Variants in MGAT4A observed in about 807,000 individuals in gnomAD.
MGAT4A encodes alpha-1,3-mannosyl-glycoprotein 4-beta-N-acetylglucosaminyltransferase A, also known as N-acetylglucosaminyltransferase IVa.
A neutral mutation model predicts 74.1 loss-of-function variants in MGAT4A; 33 were observed. The ratio of observed to expected loss-of-function variants is 0.45; its 90% CI spans 0.34 to 0.60. The LOEUF (loss-of-function observed/expected upper bound fraction) is 0.60, where lower values mean the gene tolerates loss of function less well. Among genes scored for constraint, MGAT4A ranks in the 20% least tolerant of loss-of-function variants. The pLI is 0.02. For synonymous variants in MGAT4A, 198 were observed against 210.4 expected (o/e 0.94, Z 0.51); for missense variants, 479 against 628.3 (o/e 0.76, Z 2.54).
chr2:98,631,770 G>A (rs1167412854), intron 14 of MGAT4A, among the ~76,000 whole-genome samples: 3 of 152,126 alleles, frequency 2.0e-5, no homozygotes, highest in African/African-American at 2.4e-5. Flanking sequence ...CAATTCATCC[G>A]GTACACCAAG....
chr2:98,639,267 CAG>C (rs1701368955), intron 12 of MGAT4A, among the ~76,000 whole-genome samples: 2 of 150,034 alleles, frequency 1.3e-5, no homozygotes, highest in African/African-American at 2.5e-5. Flanking sequence ...GTCTGGGCGA[CAG>C]AGCGAGACTG....
chr2:98,713,041 C>T (rs1003091279), intron 2 of MGAT4A, among the ~76,000 whole-genome samples: 2 of 151,768 alleles, frequency 1.3e-5, no homozygotes, highest in East Asian at 3.9e-4. Flanking sequence ...TGATGGCACA[C>T]ACCTGTAGTC....
At chr2:98,658,189 T>C (rs1312180965) in intron 6 of MGAT4A, 29 bp downstream of exon 6, 2 of 1,442,258 alleles carry the variant, frequency 1.4e-6, no homozygotes, top group Middle Eastern at 1.7e-4. Context: ...ACCAAAATAT[T>C]TGTATGTTTA....
At chr2:98,649,701 G>C (rs1211696845) in intron 8 of MGAT4A, among the ~76,000 whole-genome samples, 1 of 151,946 alleles carries the variant, frequency 6.6e-6, no homozygotes, top group Non-Finnish European at 1.5e-5. Context: ...ACTTCAATTA[G>C]GAGATTACAC....
chr2:98,633,512 G>A (rs1701273524), intron 14 of MGAT4A, among the ~76,000 whole-genome samples: 1 of 152,088 alleles, frequency 6.6e-6, no homozygotes, highest in Non-Finnish European at 1.5e-5. Flanking sequence ...TAATTGTTTT[G>A]CTAACGAGAG....
At chr2:98,696,375 T>A (rs1702275706) in intron 2 of MGAT4A, among the ~76,000 whole-genome samples, 1 of 152,260 alleles carries the variant, frequency 6.6e-6, no homozygotes, top group Admixed American at 6.5e-5. Flanking sequence ...GTAGAGGTCA[T>A]GTACGTCTGT....
At chr2:98,716,242 T>G (rs1230780234) in intron 2 of MGAT4A, among the ~76,000 whole-genome samples, 4 of 152,108 alleles carry the variant, frequency 2.6e-5, no homozygotes, top group Non-Finnish European at 4.4e-5. Context: ...GGTGACTGAT[T>G]GGGCCCAGGA....
At chr2:98,677,613 C>T (rs1157267976) in intron 3 of MGAT4A, among the ~76,000 whole-genome samples, 16 of 151,816 alleles carry the variant, frequency 1.1e-4, no homozygotes, top group Admixed American at 9.2e-4. Context: ...CCAACATGCC[C>T]GGCTAATTTT....
At chr2:98,704,758 A>C (rs1702399594) in intron 2 of MGAT4A, among the ~76,000 whole-genome samples, 2 of 152,246 alleles carry the variant, frequency 1.3e-5, no homozygotes, top group South Asian at 4.1e-4. Flanking sequence ...CAACAGAGCC[A>C]GATCCTGCCT....
chr2:98,636,486 A>T (rs761535663), intron 13 of MGAT4A, 31 bp downstream of exon 13: 1 of 1,521,128 alleles, frequency 6.6e-7, no homozygotes, highest in Non-Finnish European at 9.1e-7. Flanking sequence ...ATTAGTTGTT[A>T]GGGAAAGGTA....
chr2:98,639,727 A>G (rs1701377275), intron 12 of MGAT4A, 81 bp downstream of exon 12: 10 of 1,315,598 alleles, frequency 7.6e-6, no homozygotes, highest in Non-Finnish European at 1.0e-5. Context: ...TGTCAGGCAC[A>G]CACACAAAAA....
chr2:98,673,255 C>A (rs1701934979), intron 4 of MGAT4A, among the ~76,000 whole-genome samples: 2 of 152,084 alleles, frequency 1.3e-5, no homozygotes, highest in African/African-American at 4.8e-5. Context: ...TCAGCCTGAC[C>A]ACTGGAAAAC....
intron 5 of MGAT4A, among the ~76,000 whole-genome samples, chr2:98,659,426 C>A (rs1405704831): frequency 6.6e-6 from 1 of 152,074 alleles, no homozygotes; most frequent in African/African-American, 2.4e-5. Context: ...GACAACCAGG[C>A]CAGGGACATG....
In MGAT4A at chr2:98,660,418, GCACACACACACACA is replaced by G. The variant is rs534943882; in HGVS notation, c.538-2168_538-2155del. On this transcript the variant is annotated intron_variant, in intron 5 of 15. Coordinates refer to ENST00000393487, the MANE Select transcript of MGAT4A (RefSeq NM_012214.3). ...CACACACACACACACACACGCACGC[GCACACACACACACA>G]CACACACACACACACACACACACAC... 6.6e-3 allele frequency among the ~76,000 whole-genome samples: 937 copies of G among 141,714 alleles called. 6 individuals carry two copies. Among genetic ancestry groups the G allele is most frequent in the African/African-American group, 0.015 (565 of 37,798 alleles). 93.0% of individuals were successfully genotyped at this position (141,714 alleles called of 152,430 possible).
intron 10 of MGAT4A, among the ~76,000 whole-genome samples, chr2:98,640,862 G>T (rs565362547): frequency 2.3e-4 from 35 of 152,188 alleles, no homozygotes; most frequent in African/African-American, 7.5e-4. Context: ...AGACTAGGGG[G>T]TTAGTTCAAA....
intron 4 of MGAT4A, among the ~76,000 whole-genome samples, chr2:98,666,250 T>C (rs1701828704): frequency 6.6e-6 from 1 of 152,098 alleles, no homozygotes; most frequent in South Asian, 2.1e-4. Context: ...AAGGGTGACT[T>C]GAGTAACTGG....
chr2:98,670,229 C>T (rs1363439049), intron 4 of MGAT4A, among the ~76,000 whole-genome samples: 1 of 152,102 alleles, frequency 6.6e-6, no homozygotes, highest in Non-Finnish European at 1.5e-5. Context: ...GAAACAGAGC[C>T]AACGGGTTGG....
intron 2 of MGAT4A, among the ~76,000 whole-genome samples, chr2:98,696,732 A>G (rs1052551162): frequency 6.6e-6 from 1 of 152,202 alleles, no homozygotes; most frequent in Non-Finnish European, 1.5e-5. Context: ...CACTGGCTGT[A>G]GTCCCAAAAG....
intron 8 of MGAT4A, among the ~76,000 whole-genome samples, chr2:98,652,942 T>G (rs1034054518): frequency 2.0e-5 from 3 of 151,776 alleles, no homozygotes; most frequent in Non-Finnish European, 4.4e-5. Context: ...TTAAGAAGAC[T>G]AAAACTATGC....
Sources: gnomAD v4.1 joint callset for allele counts (sites outside exome capture counted in the v4.1 genomes callset) on GRCh38, gnomAD v4.1.1 for gene constraint, MANE v1.5 for transcripts, NCBI Gene and HGNC (gene_info 2026-07-23, HGNC 2026-07-21) for gene names.